Variants in TP53I11 observed in about 807,000 individuals in gnomAD.
The protein encoded by TP53I11 is tumor protein p53-inducible protein 11.
A neutral mutation model predicts 23.3 loss-of-function variants in TP53I11; 9 were observed. The ratio of observed to expected loss-of-function variants is 0.39; its 90% CI spans 0.23 to 0.67. TP53I11 has a LOEUF of 0.67. Ranked by LOEUF, TP53I11 falls within the 30% of genes least tolerant of loss-of-function variation. The pLI is 0.48. For missense variants in TP53I11, 170 were observed against 255.2 expected, an observed-to-expected ratio of 0.67 and a Z score of 2.27; for synonymous variants, 100 against 106.1, an observed-to-expected ratio of 0.94 and a Z score of 0.35.
At chr11:44,945,632 T>C (rs1239051533) in intron 1 of TP53I11, among the ~76,000 whole-genome samples, 1 of 152,064 alleles carries the variant, frequency 6.6e-6, no homozygotes, top group African/African-American at 2.4e-5. Context: ...GCCCTGCGAC[T>C]CCAGCAGGAC....
At chr11:44,949,622 CGAGCGCCCCGCCCCGCCCCGCCCAGCG>C (rs1862738593) in intron 1 of TP53I11, among the ~76,000 whole-genome samples, 1 of 151,972 alleles carries the variant, frequency 6.6e-6, no homozygotes, top group South Asian at 2.1e-4. Flanking sequence ...GGACCCAAGG[CGAGCGCCCCGCCCCGCCCCGCCCAGCG>C]GGGCGCGCCG....
At position 44,936,881 on chromosome 11, in the gene TP53I11, G is replaced by C. The variant is rs747253316; in HGVS notation, c.256C>G (p.Gln86Glu). ...IAIMALAFPD[Q>E]LYDAVFDGAQ... Reference sequence around the variant, plus strand: ...CCATCAAAGACCGCATCATAGAGCTGGTCAGGGAAGGCAAGCGCCTGCGGG... The same window carrying C: ...CCATCAAAGACCGCATCATAGAGCTCGTCAGGGAAGGCAAGCGCCTGCGGG... The change falls in exon 5 of 7, where the codon CAG becomes GAG. Residue 86 changes from glutamine (Q) to glutamate (E), a missense_variant. By Grantham distance (29) the Gln-to-Glu change is conservative (BLOSUM62 2). Coordinates refer to ENST00000525680, the MANE Select transcript of TP53I11 (RefSeq NM_006034.5). This position sits in a 1 kb window ranked among gnomAD's most constrained non-coding sequence, Gnocchi z 4.4. 3.7e-5 allele frequency: 60 copies of C among 1,607,634 alleles called. No homozygotes were observed. Among genetic ancestry groups the C allele is most frequent in the South Asian group, 1.3e-4 (12 of 89,326 alleles).
chr11:44,937,255 G>A (rs1360923803), intron 4 of TP53I11, 49 bp downstream of exon 4: 4 of 1,540,172 alleles, frequency 2.6e-6, no homozygotes, highest in South Asian at 1.2e-5. Context: ...GAGAAGGGCT[G>A]AGGGAGCCAC....
intron 1 of TP53I11, chr11:44,941,070 C>A (rs1302521036): frequency 6.6e-6 from 1 of 152,178 alleles, no homozygotes; most frequent in African/African-American, 2.4e-5. Context: ...AGCCATCATT[C>A]CCACTTCCTA....
In TP53I11 at chr11:44,938,565, G is replaced by C. The variant is rs572650000; in HGVS notation, c.-31-199C>G. 1.7e-5 allele frequency: 10 copies of C among 574,400 alleles called. No individual in the cohort carries two copies. The South Asian group carries it at 2.4e-4, about 14-fold the overall frequency. The allele number at this position is 574,400 out of a possible 1,614,324, so 35.6% of individuals were successfully genotyped here. On this transcript the variant is annotated intron_variant, in intron 1 of 6. Transcript: ENST00000525680. ...TGCTCTCCAGGCCCCTGAGGCTCTG[G>C]GAGCTGGTCTGCTGTAGGTGGACAC...
At chr11:44,948,958 T>G (rs965550380) in intron 1 of TP53I11, among the ~76,000 whole-genome samples, 10 of 152,162 alleles carry the variant, frequency 6.6e-5, no homozygotes, top group African/African-American at 2.4e-4. Context: ...TCATGACAGC[T>G]GGACATGGGT....
intron 1 of TP53I11, 30 bp from the exon 2 acceptor site, chr11:44,938,396 GT>G: frequency 1.3e-6 from 2 of 1,490,406 alleles, no homozygotes; most frequent in Non-Finnish European, 1.8e-6. Context: ...TCAGGCCACA[GT>G]TCCTACCCAG....
In TP53I11 at chr11:44,950,809, A is replaced by AGGGCAGGG. The variant is rs1565141774; in HGVS notation, c.-165_-164insCCCTGCCC. The stretch of plus-strand genomic sequence containing the variant: ...GCAGGGCAGGGCAGGGCAGGGCAGG[A>AGGGCAGGG]CAGGGCAGGGCAGGGCAGGGCCGGG... On this transcript the variant is annotated 5_prime_UTR_variant, in exon 1 of 7. Coordinates refer to ENST00000525680, the MANE Select transcript of TP53I11 (RefSeq NM_006034.5). 167 of 150,322 alleles carry AGGGCAGGG rather than the reference A, an allele frequency of 1.1e-3. No homozygotes were observed. Among genetic ancestry groups the AGGGCAGGG allele is most frequent in the African/African-American group, 4.1e-3 (166 of 40,878 alleles). 9.3% of individuals were successfully genotyped at this position (150,322 alleles called of 1,614,324 possible).
rs1295340597 is a variant in TP53I11 at position 44,933,233 on chromosome 11, ACT to A, written c.*1649_*1650del. The A allele has an allele frequency of 5.3e-5, 8 of 152,308 alleles. No homozygotes were observed. The highest frequency in any genetic ancestry group is 1.9e-4 in the African/African-American group (8 of 41,534). The allele number at this position is 152,308 out of a possible 1,614,324, so 9.4% of individuals were successfully genotyped here. A position where few individuals can be genotyped will look rare whatever the true frequency, so the allele number is the denominator to read the frequency against. On this transcript the variant is annotated 3_prime_UTR_variant, in exon 7 of 7. Coordinates refer to ENST00000525680, the MANE Select transcript of TP53I11 (RefSeq NM_006034.5). ...CCGCTGTAACCATGGTGGTGCCACCACTCTGCTGGGTACAGGCCATGTTGCTG... is the reference window on the plus strand; with the variant it reads ...CCGCTGTAACCATGGTGGTGCCACCACTGCTGGGTACAGGCCATGTTGCTG...
chr11:44,937,744 G>A, intron 2 of TP53I11, 131 bp from the exon 3 acceptor site: 1 of 870,180 alleles, frequency 1.1e-6, no homozygotes, highest in Non-Finnish European at 1.8e-6. Flanking sequence ...GGTTCCCCCA[G>A]GTGGGGAGGG....
At chr11:44,943,177 AAAG>A (rs1339801711) in intron 1 of TP53I11, 5 of 152,256 alleles carry the variant, frequency 3.3e-5, no homozygotes, top group East Asian at 1.9e-4. Flanking sequence ...GTGGAGAGAG[AAAG>A]AAGGAGTGCA....
chr11:44,940,996 G>A (rs576900754), intron 1 of TP53I11: 1 of 152,364 alleles, frequency 6.6e-6, no homozygotes, highest in East Asian at 1.9e-4. Context: ...CCTCAGTCCT[G>A]CCTTACCTCT....
chr11:44,934,653 G>A lies in TP53I11; in HGVS notation c.*231C>T. The A allele has an allele frequency of 1.7e-6, 1 of 571,468 alleles. No individual in the cohort carries two copies. Among genetic ancestry groups the A allele is most frequent in the East Asian group, 3.1e-5 (1 of 32,656 alleles). The allele number at this position is 571,468 out of a possible 1,614,324, so 35.4% of individuals were successfully genotyped here. On this transcript the variant is annotated 3_prime_UTR_variant, in exon 7 of 7. Coordinates refer to ENST00000525680, the MANE Select transcript of TP53I11 (RefSeq NM_006034.5). Reference sequence around the variant, plus strand: ...GGTATCACTGTGAGGGTGAAGAACAGGGCAGCAGAGGCCCTGTCTCTCCCC... The same window carrying A: ...GGTATCACTGTGAGGGTGAAGAACAAGGCAGCAGAGGCCCTGTCTCTCCCC...
Position 44,934,962 on chromosome 11 carries a change from G to C in TP53I11, c.492C>G (p.Leu164=). The change falls in exon 7 of 7, where the codon CTC becomes CTG. Residue 164 remains leucine (L), a synonymous_variant. Transcript: ENST00000525680. ...CGACAAAAAGGAGGCGGCTGACCAG[G>C]AGCAGCAGGATCCCCAGGGACATGA... ...TGLMSLGILL[L]LVSRLLFVVI... is the part of the protein sequence containing the mutation. 6.2e-7 allele frequency: 1 copy of C among 1,614,104 alleles called. No homozygotes were observed. Among genetic ancestry groups the C allele is most frequent in the Non-Finnish European group, 8.5e-7 (1 of 1,180,000 alleles).
chr11:44,944,557 T>G (rs985235336), intron 1 of TP53I11, among the ~76,000 whole-genome samples: 3 of 152,138 alleles, frequency 2.0e-5, no homozygotes, highest in Non-Finnish European at 2.9e-5. Flanking sequence ...AGGGGCTTTT[T>G]GGGGATACAA....
chr11:44,935,497 A>G, intron 6 of TP53I11, 64 bp downstream of exon 6: 1 of 1,471,132 alleles, frequency 6.8e-7, no homozygotes, highest in Non-Finnish European at 9.5e-7. Context: ...CCAGGTGGCT[A>G]GAGCAGGCAG....
Position 44,935,025 on chromosome 11 carries a change from A to G in TP53I11, c.437-8T>C, listed in dbSNP as rs570294410. ...CTAGCGTGGCAGTGACCACTGTGGG[A>G]GAGAGTCCAGCAAGGCCACAGGGTC... On this transcript the variant is annotated splice_polypyrimidine_tract_variant and splice_region_variant and intron_variant, in intron 6 of 6. Transcript: ENST00000525680. The G allele has an allele frequency of 4.3e-6, 7 of 1,611,002 alleles. No individual in the cohort carries two copies. In the South Asian group the frequency reaches 5.5e-5, roughly 13 times the overall value.
chr11:44,935,459 A>G (rs1434802877), intron 6 of TP53I11, 102 bp downstream of exon 6: 2 of 1,069,180 alleles, frequency 1.9e-6, no homozygotes, highest in Non-Finnish European at 1.4e-6. Context: ...AGCCCCCCAC[A>G]GACAGGTTTT....
rs541105819 is a variant in TP53I11, at chr11:44,934,723, G to A, written c.*161C>T. 2.1e-5 allele frequency: 20 copies of A among 946,996 alleles called. No individual in the cohort carries two copies. In the East Asian group the frequency reaches 2.1e-4, roughly 10 times the overall value. 58.7% of individuals were successfully genotyped at this position (946,996 alleles called of 1,614,324 possible). A position where few individuals can be genotyped will look rare whatever the true frequency, so the allele number is the denominator to read the frequency against. ...GAAAGCCCAGGAGATCACAGCACACGGGGTGCCCAGGAGGAAAGGAAGGCC... is the reference window on the plus strand; with the variant it reads ...GAAAGCCCAGGAGATCACAGCACACAGGGTGCCCAGGAGGAAAGGAAGGCC... On this transcript the variant is annotated 3_prime_UTR_variant, in exon 7 of 7. Transcript: ENST00000525680.
Sources: gnomAD v4.1 joint callset for allele counts (sites outside exome capture counted in the v4.1 genomes callset) on GRCh38, gnomAD v4.1.1 for gene constraint, Gnocchi (gnomAD v3.1) non-coding constraint, MANE v1.5 for transcripts, NCBI Gene and HGNC (gene_info 2026-07-23, HGNC 2026-07-21) for gene names.